The following NGLY1 variants were observed in gnomAD, a reference collection of about 807,000 sequenced individuals.
The protein encoded by NGLY1 is N-glycanase 1, also known as peptide-N(4)-(N-acetyl-beta-glucosaminyl)asparagine amidase.
Under a neutral mutation model 84.6 loss-of-function variants are expected in NGLY1, and 68 were observed. The observed-to-expected ratio is 0.80, with a 90% CI of 0.66 to 0.98. The LOEUF (loss-of-function observed/expected upper bound fraction) is 0.98. NGLY1 is among the 50% of genes least tolerant of loss of function. The pLI, the probability that NGLY1 is intolerant of heterozygous loss-of-function variation, is 0.00. For synonymous variants in NGLY1, 280 were observed against 275.2 expected (o/e 1.02, Z -0.17); for missense variants, 779 against 770.2 (o/e 1.01, Z -0.14).
At chr3:25,722,282 T>G (rs2125447011) in intron 10 of NGLY1, among the ~76,000 whole-genome samples, 1 of 151,400 alleles carries the variant, frequency 6.6e-6, no homozygotes, top group African/African-American at 2.4e-5. Context: ...CACATATATA[T>G]ATATATATAT....
intron 4 of NGLY1, among the ~76,000 whole-genome samples, chr3:25,740,344 A>G (rs1221852863): frequency 1.3e-5 from 2 of 152,166 alleles, no homozygotes; most frequent in African/African-American, 4.8e-5. Flanking sequence ...AAACACAACC[A>G]TATCTCTAGT....
chr3:25,749,638 G>A, intron 4 of NGLY1: 1 of 1,475,804 alleles, frequency 6.8e-7, no homozygotes, highest in Non-Finnish European at 9.4e-7. Flanking sequence ...GAAGGTTCAA[G>A]AGCCAGATCT....
chr3:25,751,499 T>C (rs1401226537), intron 3 of NGLY1, among the ~76,000 whole-genome samples: 1 of 152,198 alleles, frequency 6.6e-6, no homozygotes, highest in Non-Finnish European at 1.5e-5. Flanking sequence ...TAAGGATATA[T>C]TTAAATAAGG....
chr3:25,757,378 C>T (rs745578498), intron 3 of NGLY1, among the ~76,000 whole-genome samples: 26 of 152,266 alleles, frequency 1.7e-4, no homozygotes, highest in Non-Finnish European at 2.6e-4. Context: ...GCTTTGCTCT[C>T]AATAGTAGTA....
chr3:25,762,917 G>A (rs912428023), intron 3 of NGLY1, among the ~76,000 whole-genome samples: 3 of 152,140 alleles, frequency 2.0e-5, no homozygotes, highest in Non-Finnish European at 2.9e-5. Flanking sequence ...TCGTGCCATT[G>A]CATTCTAGCC....
At chr3:25,781,425 G>A (rs1363790468) in intron 1 of NGLY1, among the ~76,000 whole-genome samples, 2 of 152,134 alleles carry the variant, frequency 1.3e-5, no homozygotes, top group Non-Finnish European at 2.9e-5. Flanking sequence ...GATACCAAAG[G>A]CCTGACCCTA....
intron 2 of NGLY1, among the ~76,000 whole-genome samples, chr3:25,776,777 T>C (rs922870658): frequency 1.3e-5 from 2 of 152,236 alleles, no homozygotes; most frequent in African/African-American, 2.4e-5. Context: ...CAGTAAGTCC[T>C]GTTGATTCTG....
upstream of NGLY1, chr3:25,784,274 A>G (rs1188115409): frequency 6.6e-6 from 1 of 152,220 alleles, no homozygotes; most frequent in Non-Finnish European, 1.5e-5. Context: ...AGGTTGCGAC[A>G]TAATAATGGG....
chr3:25,752,932 GA>G (rs908017993), intron 3 of NGLY1, among the ~76,000 whole-genome samples: 1 of 151,984 alleles, frequency 6.6e-6, no homozygotes, highest in African/African-American at 2.4e-5. Context: ...CATTTTCTGA[GA>G]ATGAGGATAA....
chr3:25,781,942 G>A (rs1708436916), intron 1 of NGLY1, among the ~76,000 whole-genome samples: 1 of 152,174 alleles, frequency 6.6e-6, no homozygotes, highest in Non-Finnish European at 1.5e-5. Context: ...GGAGAACCCA[G>A]CCTATCAGTT....
intron 1 of NGLY1, among the ~76,000 whole-genome samples, chr3:25,778,925 CTTTTTTTTTTTTTT>C (rs565447910): frequency 4.0e-4 from 22 of 54,662 alleles, no homozygotes; most frequent in African/African-American, 9.5e-4. Context: ...AAGATACATT[CTTTTTTTTTTTTTT>C]TTTTTTTTTT....
At position 25,733,892 on chromosome 3, in the gene NGLY1, T is replaced by G; in HGVS notation, c.1240A>C (p.Ile414Leu). Residue 414 changes from isoleucine to leucine, a missense_variant, in exon 8 of 12, where the codon ATT (isoleucine) becomes CTT (leucine). Ile to Leu is a conservative substitution (Grantham distance 5). Transcript: ENST00000280700. ...KVKEALLRDT[I>L]NGLNKQRQLF... ...CATACCTGCTTATTAAGCCCATTAATAGTGTCTCGAAGTAATGCTTCTTTA... is the reference window on the plus strand; with the variant it reads ...CATACCTGCTTATTAAGCCCATTAAGAGTGTCTCGAAGTAATGCTTCTTTA... 3 of 1,613,532 alleles carry G rather than the reference T, an allele frequency of 1.9e-6. No homozygotes were observed. Among genetic ancestry groups the G allele is most frequent in the Non-Finnish European group, 2.5e-6 (3 of 1,179,676 alleles).
intron 3 of NGLY1, among the ~76,000 whole-genome samples, chr3:25,758,664 T>C (rs1424032673): frequency 1.3e-5 from 2 of 152,230 alleles, no homozygotes; most frequent in African/African-American, 4.8e-5. Flanking sequence ...GAACAGTATA[T>C]TGCCGTAGTA....
chr3:25,776,771 A>G (rs760900571), intron 2 of NGLY1, among the ~76,000 whole-genome samples: 10 of 152,202 alleles, frequency 6.6e-5, no homozygotes, highest in Non-Finnish European at 1.3e-4. Flanking sequence ...AATCACCAGT[A>G]AGTCCTGTTG....
intron 10 of NGLY1, among the ~76,000 whole-genome samples, chr3:25,722,274 C>CACATATAT (rs145856271): frequency 0.061 from 9,074 of 148,396 alleles, 345 homozygotes; most frequent in Non-Finnish European, 0.09. Context: ...TGTATACACA[C>CACATATAT]ATATATATAT....
At chr3:25,784,346 A>C (rs1372510051), upstream of NGLY1, among the ~76,000 whole-genome samples, 1 of 152,214 alleles carries the variant, frequency 6.6e-6, no homozygotes, top group Non-Finnish European at 1.5e-5. Context: ...ATTACGCAAT[A>C]TTATAGAATG....
At chr3:25,745,691 T>C (rs1706386574) in intron 4 of NGLY1, among the ~76,000 whole-genome samples, 1 of 152,184 alleles carries the variant, frequency 6.6e-6, no homozygotes, top group South Asian at 2.1e-4. Context: ...CTCTTATCCC[T>C]CTTATGTAAA....
intron 2 of NGLY1, among the ~76,000 whole-genome samples, chr3:25,773,465 C>T (rs150206977): frequency 2.6e-3 from 398 of 152,220 alleles, no homozygotes; most frequent in African/African-American, 9.1e-3. Context: ...TTCTTCACTT[C>T]CAGAAGTTGT....
chr3:25,744,263 CTT>C (rs1197720666), intron 4 of NGLY1, among the ~76,000 whole-genome samples: 1 of 152,184 alleles, frequency 6.6e-6, no homozygotes, highest in Non-Finnish European at 1.5e-5. Flanking sequence ...TTTGTTACCA[CTT>C]TTCAAAAATG....
Sources: gnomAD v4.1 joint callset for allele counts (sites outside exome capture counted in the v4.1 genomes callset) on GRCh38, gnomAD v4.1.1 for gene constraint, MANE v1.5 for transcripts, NCBI Gene and HGNC (gene_info 2026-07-23, HGNC 2026-07-21) for gene names.